The following PARD3B variants were observed in gnomAD, a reference collection of about 807,000 sequenced individuals.
The protein encoded by PARD3B is partitioning defective 3 homolog B.
In PARD3B, 103 loss-of-function variants were observed where a neutral mutation model predicts 130.2. The ratio of observed to expected loss-of-function variants is 0.79; its 90% CI spans 0.67 to 0.93. The LOEUF (loss-of-function observed/expected upper bound fraction) is 0.93, where lower values mean the gene tolerates loss of function less well. PARD3B is among the 40% of genes least tolerant of loss of function. The probability of loss-of-function intolerance (pLI) is 0.00; values close to 1 mark genes in which losing one functional copy is unlikely to be tolerated. For missense variants in PARD3B, 1,609 were observed against 1,499.2 expected (o/e 1.07, Z -1.21); for synonymous variants, 583 against 553.2 (o/e 1.05, Z -0.76).
intron 18 of PARD3B, among the ~76,000 whole-genome samples, chr2:205,374,007 C>T (rs1172722115): frequency 2.0e-5 from 3 of 152,064 alleles, no homozygotes; most frequent in Non-Finnish European, 4.4e-5. Flanking sequence ...CAGTGGAGAG[C>T]ACACAATAAC....
At chr2:204,760,811 A>G (rs1205778797) in intron 2 of PARD3B, among the ~76,000 whole-genome samples, 1 of 152,142 alleles carries the variant, frequency 6.6e-6, no homozygotes, top group Non-Finnish European at 1.5e-5. Flanking sequence ...CAAAATTTGC[A>G]TTATCCATCA....
chr2:205,345,236 A>G (rs912181411), intron 18 of PARD3B, among the ~76,000 whole-genome samples: 1 of 152,218 alleles, frequency 6.6e-6, no homozygotes. Context: ...TATGCTAAGT[A>G]TGACGAAGTG....
At chr2:205,580,830 A>G (rs554983542) in intron 22 of PARD3B, among the ~76,000 whole-genome samples, 12 of 152,260 alleles carry the variant, frequency 7.9e-5, no homozygotes, top group Admixed American at 2.0e-4. Context: ...ATGCCTTGGA[A>G]AAAAAGCTGC....
intron 3 of PARD3B, among the ~76,000 whole-genome samples, chr2:205,018,645 G>A (rs1696342586): frequency 7.8e-6 from 1 of 128,306 alleles, no homozygotes; most frequent in Non-Finnish European, 1.6e-5. Context: ...GGAGAGCCTC[G>A]TTTTTCTTGA....
At chr2:204,804,066 AC>A (rs1361640658) in intron 2 of PARD3B, among the ~76,000 whole-genome samples, 2 of 152,096 alleles carry the variant, frequency 1.3e-5, no homozygotes, top group African/African-American at 2.4e-5. Flanking sequence ...AACAACAACA[AC>A]AAAAAAATAA....
rs574373323 is a variant in PARD3B at position 205,265,013 on chromosome 2, A to C, written c.2185+19191A>C. 7.3e-5 allele frequency among the ~76,000 whole-genome samples: 11 copies of C among 151,246 alleles called. No homozygotes were observed. The South Asian group carries it at 2.3e-3, about 32-fold the overall frequency. ...TTGGCATTAATGCTGAAGTTTTGAC[A>C]AAAATTACTTTAACTTTTGCTTCCC... On this transcript the variant is annotated intron_variant, in intron 16 of 22. Transcript: ENST00000406610. The surrounding 1 kb of genome is among the most constrained non-coding windows in gnomAD (Gnocchi z 4.3).
chr2:205,500,412 T>C (rs573076068), intron 21 of PARD3B, among the ~76,000 whole-genome samples: 1 of 152,202 alleles, frequency 6.6e-6, no homozygotes, highest in Non-Finnish European at 1.5e-5. Flanking sequence ...AAAAGGGTTA[T>C]TGTCAGAGAT....
At chr2:204,899,836 G>T (rs112362396) in intron 2 of PARD3B, among the ~76,000 whole-genome samples, 1 of 151,878 alleles carries the variant, frequency 6.6e-6, no homozygotes, top group Admixed American at 6.6e-5. Context: ...GTCTAGGGAA[G>T]TATTTCTTCT....
At chr2:204,649,751 T>G (rs918234803) in intron 1 of PARD3B, among the ~76,000 whole-genome samples, 1 of 152,126 alleles carries the variant, frequency 6.6e-6, no homozygotes, top group Non-Finnish European at 1.5e-5. Flanking sequence ...TTAAACCATA[T>G]ACAAAAATTA....
intron 18 of PARD3B, among the ~76,000 whole-genome samples, chr2:205,385,489 G>C (rs755470626): frequency 2.5e-4 from 38 of 152,090 alleles, no homozygotes; most frequent in South Asian, 1.9e-3. Context: ...TTCCTATAGA[G>C]GGCTTTCTGG....
chr2:205,317,220 C>G (rs536660703), intron 18 of PARD3B, among the ~76,000 whole-genome samples: 1 of 152,304 alleles, frequency 6.6e-6, no homozygotes, highest in South Asian at 2.1e-4. Flanking sequence ...AATTCTGTAA[C>G]TGCCTTCTTG....
intron 12 of PARD3B, among the ~76,000 whole-genome samples, chr2:205,173,123 C>G (rs112811512): frequency 0.03 from 4,505 of 152,106 alleles, 115 homozygotes; most frequent in African/African-American, 0.066. Flanking sequence ...AAAACATCAG[C>G]AAATCACACA....
intron 1 of PARD3B, among the ~76,000 whole-genome samples, chr2:204,577,125 T>C (rs1007700327): frequency 6.6e-6 from 1 of 152,234 alleles, no homozygotes. Context: ...TATTTACATA[T>C]CTTTGTACTG....
chr2:205,172,472 A>T (rs577998049), intron 12 of PARD3B, 91 bp downstream of exon 12: 2 of 1,316,064 alleles, frequency 1.5e-6, no homozygotes, highest in Admixed American at 2.4e-5. Context: ...CTAGATTCAT[A>T]TCGAGAAAAT....
intron 2 of PARD3B, among the ~76,000 whole-genome samples, chr2:204,755,426 T>A (rs953733222): frequency 6.6e-6 from 1 of 152,142 alleles, no homozygotes; most frequent in Non-Finnish European, 1.5e-5. Context: ...GTGACACAAG[T>A]CACATTATTA....
intron 10 of PARD3B, among the ~76,000 whole-genome samples, chr2:205,127,537 C>T (rs2031581592): frequency 1.3e-5 from 2 of 152,088 alleles, no homozygotes; most frequent in South Asian, 4.1e-4. Flanking sequence ...GGAGACATGA[C>T]AGTTATTATC....
chr2:204,797,623 A>G (rs1236404537), intron 2 of PARD3B, among the ~76,000 whole-genome samples: 2 of 152,350 alleles, frequency 1.3e-5, no homozygotes, highest in Admixed American at 1.3e-4. Flanking sequence ...ATTATTATAA[A>G]CAGATACCAC....
chr2:205,020,710 G>A (rs1333068305), intron 3 of PARD3B, among the ~76,000 whole-genome samples: 3 of 152,082 alleles, frequency 2.0e-5, no homozygotes, highest in African/African-American at 7.2e-5. Context: ...TCTGTGTGTT[G>A]TCGAAGTCAG....
At position 205,287,607 on chromosome 2, in the gene PARD3B, CTGAA is replaced by C. The variant is rs1251307910; in HGVS notation, c.2186-12919_2186-12916del. ...TAGTCATGTCTGGGTCGTAGGCACACTGAATGAGAGTTGAGGAGGCATAGTACAC... is the reference window on the plus strand; with the variant it reads ...TAGTCATGTCTGGGTCGTAGGCACACTGAGAGTTGAGGAGGCATAGTACAC... On this transcript the variant is annotated intron_variant, in intron 16 of 22. Coordinates refer to ENST00000406610, the MANE Select transcript of PARD3B (RefSeq NM_001302769.2). This position sits in a 1 kb window ranked among gnomAD's most constrained non-coding sequence, Gnocchi z 4.8. Among the ~76,000 whole-genome samples the C allele has an allele frequency of 1.3e-5, 2 of 152,134 alleles. No homozygotes were observed. The highest frequency in any genetic ancestry group is 4.8e-5 in the African/African-American group (2 of 41,418).
Sources: allele counts gnomAD v4.1 joint callset (sites outside exome capture counted in the v4.1 genomes callset), GRCh38; gene constraint gnomAD v4.1.1; non-coding constraint Gnocchi (gnomAD v3.1); transcripts MANE v1.5; gene names NCBI Gene and HGNC (gene_info 2026-07-23, HGNC 2026-07-21).